The following CDH4 variants were observed in gnomAD, a reference collection of about 807,000 sequenced individuals.
CDH4 encodes cadherin-4.
Under a neutral mutation model 86.0 loss-of-function variants are expected in CDH4, and 33 were observed. The ratio of observed to expected loss-of-function variants is 0.38; its 90% CI spans 0.29 to 0.51. The LOEUF (loss-of-function observed/expected upper bound fraction) is 0.51. Ranked by LOEUF, CDH4 falls within the 20% of genes least tolerant of loss-of-function variation. The pLI is 0.86. For missense variants in CDH4, 1,114 were observed against 1,307.4 expected, an observed-to-expected ratio of 0.85 and a Z score of 2.28; for synonymous variants, 555 against 549.4, an observed-to-expected ratio of 1.01 and a Z score of -0.14.
intron 7 of CDH4, among the ~76,000 whole-genome samples, chr20:61,883,710 G>T (rs923099184): frequency 2.0e-5 from 3 of 152,166 alleles, no homozygotes; most frequent in Non-Finnish European, 4.4e-5. Flanking sequence ...ACCCAGGGGT[G>T]GGGGGCCAAG....
chr20:61,374,399 T>C (rs748003434), intron 2 of CDH4, among the ~76,000 whole-genome samples: 3 of 151,956 alleles, frequency 2.0e-5, no homozygotes, highest in Non-Finnish European at 2.9e-5. Flanking sequence ...CCCCTGGGAG[T>C]TACCTGGGAG....
At chr20:61,428,843 T>C (rs2085228863) in intron 2 of CDH4, among the ~76,000 whole-genome samples, 2 of 152,006 alleles carry the variant, frequency 1.3e-5, no homozygotes, top group Non-Finnish European at 2.9e-5. Flanking sequence ...TGAGAGAGAG[T>C]GAGCGAGAGC....
chr20:61,768,668 T>C (rs1421735541), intron 3 of CDH4, among the ~76,000 whole-genome samples: 2 of 152,238 alleles, frequency 1.3e-5, no homozygotes, highest in Non-Finnish European at 2.9e-5. Flanking sequence ...CAAAAGAACA[T>C]GCTTGTTCGA....
rs139716270 is a variant in CDH4 at position 61,369,173 on chromosome 20, C to T, written c.169+114236C>T. Among the ~76,000 whole-genome samples the T allele has an allele frequency of 5.3e-3, 805 of 152,210 alleles. 5 individuals are homozygous for T. The highest frequency in any genetic ancestry group is 0.019 in the African/African-American group (775 of 41,538). On this transcript the variant is annotated intron_variant, in intron 2 of 15. Transcript: ENST00000614565. ...TCTTTTGTTAAAAGACATTGTTAGG[C>T]TGGGCGCAGTGGTGCACGCCTGTAA...
chr20:61,706,414 C>A (rs772472125), intron 2 of CDH4, among the ~76,000 whole-genome samples: 12 of 152,192 alleles, frequency 7.9e-5, no homozygotes, highest in Non-Finnish European at 1.8e-4. Context: ...TTGCCGCAGA[C>A]CCCCTTCTCT....
chr20:61,802,946 C>T (rs1391683594), intron 4 of CDH4, among the ~76,000 whole-genome samples: 1 of 152,212 alleles, frequency 6.6e-6, no homozygotes, highest in Non-Finnish European at 1.5e-5. Flanking sequence ...TTCTGTTTAT[C>T]CTGGGTCTGG....
intron 3 of CDH4, among the ~76,000 whole-genome samples, chr20:61,770,917 G>T (rs936399180): frequency 1.3e-5 from 2 of 149,876 alleles, no homozygotes; most frequent in African/African-American, 2.4e-5. Flanking sequence ...TAAAAGGAAG[G>T]AAGTAAAATA....
At chr20:61,798,538 C>T (rs1017689336) in intron 4 of CDH4, among the ~76,000 whole-genome samples, 7 of 152,230 alleles carry the variant, frequency 4.6e-5, no homozygotes, top group African/African-American at 9.6e-5. Context: ...TCAACAGACG[C>T]GGCTGCTGCA....
chr20:61,386,813 C>A (rs1464476144), intron 2 of CDH4, among the ~76,000 whole-genome samples: 2 of 152,226 alleles, frequency 1.3e-5, no homozygotes, highest in Admixed American at 6.5e-5. Flanking sequence ...AGAGAGGTGA[C>A]CCTGCAGGTT....
At chr20:61,850,573 C>T (rs1982670663) in intron 5 of CDH4, among the ~76,000 whole-genome samples, 1 of 152,232 alleles carries the variant, frequency 6.6e-6, no homozygotes, top group Non-Finnish European at 1.5e-5. Flanking sequence ...CCTTCCCGCC[C>T]CAATGCCAGA....
chr20:61,673,162 C>T (rs1428750351), intron 2 of CDH4, among the ~76,000 whole-genome samples: 1 of 152,156 alleles, frequency 6.6e-6, no homozygotes, highest in Non-Finnish European at 1.5e-5. Context: ...CGCAGCCCTG[C>T]CCACACCTTG....
At chr20:61,705,729 C>T (rs1227098803) in intron 2 of CDH4, among the ~76,000 whole-genome samples, 1 of 152,258 alleles carries the variant, frequency 6.6e-6, no homozygotes, top group Non-Finnish European at 1.5e-5. Flanking sequence ...AGCTGGCTTC[C>T]TCTCACGACA....
intron 2 of CDH4, among the ~76,000 whole-genome samples, chr20:61,277,532 G>A (rs998148913): frequency 6.6e-6 from 1 of 152,214 alleles, no homozygotes; most frequent in Non-Finnish European, 1.5e-5. Flanking sequence ...CTCCCACCTC[G>A]TGGAGGGGGT....
At chr20:61,565,343 GTCCTCTTGGTGATGGGGTGA>G (rs879661070) in intron 2 of CDH4, among the ~76,000 whole-genome samples, 20,266 of 83,912 alleles carry the variant, frequency 0.24, 7,102 homozygotes, top group African/African-American at 0.31. Context: ...GGTGGTAGTG[GTCCTCTTGGTGATGGGGTGA>G]TGGTGGTGGT....
At chr20:61,368,200 A>G (rs532698730) in intron 2 of CDH4, among the ~76,000 whole-genome samples, 1 of 152,186 alleles carries the variant, frequency 6.6e-6, no homozygotes, top group South Asian at 2.1e-4. Flanking sequence ...CAACGGGAAA[A>G]AATAAATAGT....
intron 2 of CDH4, among the ~76,000 whole-genome samples, chr20:61,567,236 G>A (rs2086305280): frequency 6.6e-6 from 1 of 152,232 alleles, no homozygotes; most frequent in Non-Finnish European, 1.5e-5. Flanking sequence ...GCCTTTGTAA[G>A]CTCTTCTAGC....
intron 4 of CDH4, among the ~76,000 whole-genome samples, chr20:61,819,489 GCGT>G (rs1441318582): frequency 6.6e-6 from 1 of 152,212 alleles, no homozygotes; most frequent in Non-Finnish European, 1.5e-5. Context: ...CTCCCCAAAT[GCGT>G]CATTAAGATG....
chr20:61,445,415 C>T (rs1175077856), intron 2 of CDH4, among the ~76,000 whole-genome samples: 1 of 152,204 alleles, frequency 6.6e-6, no homozygotes, highest in Non-Finnish European at 1.5e-5. Flanking sequence ...GGCCATAGCA[C>T]CCCATGCCAA....
intron 2 of CDH4, among the ~76,000 whole-genome samples, chr20:61,648,065 G>A (rs1438976454): frequency 2.6e-5 from 4 of 152,334 alleles, no homozygotes; most frequent in Admixed American, 1.3e-4. Flanking sequence ...AGGCAGGCGT[G>A]GGCTCCAGCC....
Sources: gnomAD v4.1 joint callset for allele counts (sites outside exome capture counted in the v4.1 genomes callset) on GRCh38, gnomAD v4.1.1 for gene constraint, MANE v1.5 for transcripts, NCBI Gene and HGNC (gene_info 2026-07-23, HGNC 2026-07-21) for gene names.